CFAP299: variants seen among roughly 807,000 people sequenced by gnomAD.
CFAP299 encodes the protein cilia- and flagella-associated protein 299.
CFAP299 carries 21 observed loss-of-function variants against 27.0 expected under a neutral mutation model. The ratio of observed to expected loss-of-function variants is 0.78; its 90% CI spans 0.55 to 1.12. CFAP299 has a LOEUF of 1.12. CFAP299 is among the 50% of genes most tolerant of loss of function. The pLI, the probability that CFAP299 is intolerant of heterozygous loss-of-function variation, is 0.00. For missense variants in CFAP299, 310 were observed against 276.6 expected (o/e 1.12, Z -0.86); for synonymous variants, 104 against 98.1 (o/e 1.06, Z -0.36).
rs148696713 is a variant in CFAP299, at chr4:80,646,414, C to A, written c.333+63231C>A. On this transcript the variant is annotated intron_variant, in intron 3 of 5. Transcript: ENST00000358105. The stretch of plus-strand genomic sequence containing the variant: ...ATTGATGATTGCTAGAGACATATTA[C>A]CCTAATTTCTAATCAGCTAATTACA... 2.1e-4 allele frequency among the ~76,000 whole-genome samples: 32 copies of A among 152,180 alleles called. No individual in the cohort carries two copies. The East Asian group carries it at 4.8e-3, about 23-fold the overall frequency.
At chr4:80,764,515 C>G (rs1725738859) in intron 3 of CFAP299, among the ~76,000 whole-genome samples, 1 of 152,118 alleles carries the variant, frequency 6.6e-6, no homozygotes, top group African/African-American at 2.4e-5. Context: ...ATTAGTTTAA[C>G]CATTGTGGAA....
intron 2 of CFAP299, among the ~76,000 whole-genome samples, chr4:80,439,027 A>G (rs7654257): frequency 0.62 from 94,680 of 151,986 alleles, 32,896 homozygotes; most frequent in Non-Finnish European, 0.76. Context: ...TTTGTGATTT[A>G]CTAGTATATA....
intron 3 of CFAP299, among the ~76,000 whole-genome samples, chr4:80,781,876 T>C (rs1240005588): frequency 6.6e-6 from 1 of 151,836 alleles, no homozygotes; most frequent in Non-Finnish European, 1.5e-5. Flanking sequence ...AATAATGTGG[T>C]CCAGCACATG....
chr4:80,548,703 A>C (rs1054747509), intron 2 of CFAP299, among the ~76,000 whole-genome samples: 4 of 152,150 alleles, frequency 2.6e-5, no homozygotes, highest in African/African-American at 9.7e-5. Flanking sequence ...TGCATGTGTT[A>C]GGACTCTGAT....
In CFAP299 at chr4:80,539,076, G is replaced by A. The variant is rs141818531; in HGVS notation, c.243-44017G>A. 2.0e-5 allele frequency among the ~76,000 whole-genome samples: 3 copies of A among 152,194 alleles called. No individual in the cohort carries two copies. In the East Asian group the frequency reaches 5.8e-4, roughly 29 times the overall value. On this transcript the variant is annotated intron_variant, in intron 2 of 5. Transcript: ENST00000358105. ...TTTGTTCCACTAAATTAAATTAATT[G>A]AAACAATTTCCACTAGTAAAAGTAT...
intron 2 of CFAP299, among the ~76,000 whole-genome samples, chr4:80,575,945 T>C (rs9762661): frequency 0.054 from 8,185 of 151,648 alleles, 580 homozygotes; most frequent in African/African-American, 0.17. Context: ...GACAAAAAAC[T>C]GAACGCCGCA....
At chr4:80,462,645 G>A (rs1578472974) in intron 2 of CFAP299, among the ~76,000 whole-genome samples, 1 of 152,106 alleles carries the variant, frequency 6.6e-6, no homozygotes, top group Middle Eastern at 3.4e-3. Flanking sequence ...TAGATTCTAA[G>A]TGATCTCATC....
intron 3 of CFAP299, among the ~76,000 whole-genome samples, chr4:80,642,609 CA>C (rs1739784283): frequency 6.6e-6 from 1 of 151,794 alleles, no homozygotes; most frequent in Non-Finnish European, 1.5e-5. Context: ...ACTAAAAATA[CA>C]AAAATTAGCT....
At chr4:80,682,384 G>A (rs957586301) in intron 3 of CFAP299, among the ~76,000 whole-genome samples, 2 of 151,930 alleles carry the variant, frequency 1.3e-5, no homozygotes, top group African/African-American at 4.8e-5. Flanking sequence ...TTCTTGTTTG[G>A]GGGAAAGGGA....
intron 3 of CFAP299, among the ~76,000 whole-genome samples, chr4:80,660,708 C>T (rs1740798261): frequency 6.6e-6 from 1 of 152,046 alleles, no homozygotes. Flanking sequence ...GACACAGAAG[C>T]AACAGGAGGC....
chr4:80,471,679 T>A (rs1478299412), intron 2 of CFAP299, among the ~76,000 whole-genome samples: 1 of 151,874 alleles, frequency 6.6e-6, no homozygotes, highest in Admixed American at 6.6e-5. Flanking sequence ...AACAATGATA[T>A]AAGGTTCAGG....
chr4:80,811,002 T>C (rs1437082961), intron 3 of CFAP299, among the ~76,000 whole-genome samples: 1 of 152,112 alleles, frequency 6.6e-6, no homozygotes, highest in Non-Finnish European at 1.5e-5. Flanking sequence ...ACAGCAAGAA[T>C]ATAAACTTTG....
chr4:80,963,438 CA>C, intron 5 of CFAP299, 78 bp from the exon 6 acceptor site: 4 of 807,468 alleles, frequency 5.0e-6, no homozygotes, highest in Admixed American at 3.8e-5. Flanking sequence ...CAATATAAAG[CA>C]AAAAAATAAA....
At chr4:80,668,271 G>C (rs1207103792) in intron 3 of CFAP299, among the ~76,000 whole-genome samples, 2 of 151,620 alleles carry the variant, frequency 1.3e-5, no homozygotes, top group East Asian at 3.9e-4. Flanking sequence ...TCTTCACTTT[G>C]TACATGTTTT....
intron 3 of CFAP299, among the ~76,000 whole-genome samples, chr4:80,668,565 C>A (rs937768416): frequency 3.9e-5 from 6 of 152,106 alleles, no homozygotes; most frequent in African/African-American, 1.4e-4. Flanking sequence ...ACTGTTCATT[C>A]CCCATTGTTT....
chr4:80,807,425 CA>C (rs1728919677), intron 3 of CFAP299, among the ~76,000 whole-genome samples: 1 of 152,032 alleles, frequency 6.6e-6, no homozygotes, highest in South Asian at 2.1e-4. Flanking sequence ...TATGCCATAC[CA>C]AACACGTTTT....
chr4:80,801,185 G>GTT (rs549514004), intron 3 of CFAP299, among the ~76,000 whole-genome samples: 1 of 140,366 alleles, frequency 7.1e-6, no homozygotes, highest in African/African-American at 2.6e-5. Flanking sequence ...TCACACTATG[G>GTT]TTTTTTTTTT....
intron 2 of CFAP299, among the ~76,000 whole-genome samples, chr4:80,558,545 G>A (rs1258919341): frequency 6.6e-6 from 1 of 151,470 alleles, no homozygotes; most frequent in Non-Finnish European, 1.5e-5. Flanking sequence ...ACAAACTTGA[G>A]GTTAACTCTT....
chr4:80,578,987 A>G (rs980066133), intron 2 of CFAP299, among the ~76,000 whole-genome samples: 2 of 152,196 alleles, frequency 1.3e-5, no homozygotes, highest in African/African-American at 2.4e-5. Flanking sequence ...AAAGTGAACA[A>G]ATTTCAAATG....
Sources: allele counts gnomAD v4.1 joint callset (sites outside exome capture counted in the v4.1 genomes callset), GRCh38; gene constraint gnomAD v4.1.1; transcripts MANE v1.5; gene names NCBI Gene and HGNC (gene_info 2026-07-23, HGNC 2026-07-21).